The following CNTN6 variants were observed in gnomAD, a reference collection of about 807,000 sequenced individuals.
The protein encoded by CNTN6 is contactin-6.
A neutral mutation model predicts 122.8 loss-of-function variants in CNTN6; 137 were observed. The ratio of observed to expected loss-of-function variants is 1.12; its 90% CI spans 0.97 to 1.29. CNTN6 has a LOEUF of 1.29. Ranked by LOEUF, CNTN6 falls within the 50% of genes most tolerant of loss-of-function variation. CNTN6 has a pLI of 0.00. For missense variants in CNTN6, 1,634 were observed against 1,223.4 expected (o/e 1.34, Z -5.01); for synonymous variants, 570 against 426.0 (o/e 1.34, Z -4.16).
rs1217220571 is a variant in CNTN6 at position 1,245,197 on chromosome 3, GATATATATATATATATATAT to G, written c.358+17224_358+17243del. Among the ~76,000 whole-genome samples the G allele has an allele frequency of 1.4e-3, 28 of 20,208 alleles. 10 individuals are homozygous for G. Among genetic ancestry groups the G allele is most frequent in the South Asian group, 9.9e-3 (4 of 404 alleles). The allele number at this position is 20,208 out of a possible 152,430, so 13.3% of individuals were successfully genotyped here. Reference sequence around the variant, plus strand: ...TCAACAAGTAGGGTAAAGAAAATGTGATATATATATATATATATATATATATATATATATATATACACACA... The same window carrying G: ...TCAACAAGTAGGGTAAAGAAAATGTGATATATATATATATATATACACACA... On this transcript the variant is annotated intron_variant, in intron 4 of 22. Transcript: ENST00000446702.
intron 4 of CNTN6, among the ~76,000 whole-genome samples, chr3:1,268,306 C>G (rs2094958747): frequency 6.6e-6 from 1 of 152,178 alleles, no homozygotes; most frequent in Non-Finnish European, 1.5e-5. Flanking sequence ...GAAACATTCT[C>G]TGGCATAAAA....
intron 3 of CNTN6, 43 bp downstream of exon 3, chr3:1,220,856 C>T: frequency 6.4e-7 from 1 of 1,552,382 alleles, no homozygotes; most frequent in Non-Finnish European, 8.7e-7. Flanking sequence ...TGTTCTTCCT[C>T]ACTGAACCAA....
intron 2 of CNTN6, among the ~76,000 whole-genome samples, chr3:1,210,534 A>C (rs17035582): frequency 0.43 from 65,175 of 151,988 alleles, 14,616 homozygotes; most frequent in African/African-American, 0.57. Flanking sequence ...TTGAAAAACT[A>C]AGGTAGAAGC....
At position 1,160,662 on chromosome 3, in the gene CNTN6, TAA is replaced by T. The variant is rs34452868; in HGVS notation, c.55+12613_55+12614del. Among the ~76,000 whole-genome samples the T allele has an allele frequency of 1.3e-3, 172 of 136,194 alleles. 1 individual carries two copies. Among genetic ancestry groups the T allele is most frequent in the African/African-American group, 3.8e-3 (141 of 37,458 alleles). The allele number at this position is 136,194 out of a possible 152,430, so 89.3% of individuals were successfully genotyped here. A position where few individuals can be genotyped will look rare whatever the true frequency, so the allele number is the denominator to read the frequency against. On this transcript the variant is annotated intron_variant, in intron 2 of 22. Coordinates refer to ENST00000446702, the MANE Select transcript of CNTN6 (RefSeq NM_001289080.2). ...TCACCAATGTAGTCATAAATGTACG[TAA>T]AAAAAAAAAAAAAGAAAAATTAATT...
intron 4 of CNTN6, among the ~76,000 whole-genome samples, chr3:1,269,826 T>C (rs185501630): frequency 6.6e-6 from 1 of 152,298 alleles, no homozygotes; most frequent in Admixed American, 6.5e-5. Flanking sequence ...AGTGAATTCA[T>C]TATATTCCCA....
chr3:1,312,617 A>G (rs999426315), intron 7 of CNTN6, among the ~76,000 whole-genome samples: 3 of 77,784 alleles, frequency 3.9e-5, no homozygotes, highest in Non-Finnish European at 6.2e-5. Flanking sequence ...TCTTATACAA[A>G]AAAAAAAAAA....
chr3:1,132,015 G>A (rs1362555479), intron 1 of CNTN6, among the ~76,000 whole-genome samples: 1 of 152,090 alleles, frequency 6.6e-6, no homozygotes, highest in East Asian at 1.9e-4. Flanking sequence ...ATGTCAGGTA[G>A]AGTGAAGGAA....
At chr3:1,158,038 G>C (rs773840591) in intron 2 of CNTN6, among the ~76,000 whole-genome samples, 81 of 152,186 alleles carry the variant, frequency 5.3e-4, no homozygotes, top group Non-Finnish European at 1.0e-3. Flanking sequence ...GATCATATGG[G>C]GGCCCTAGTT....
intron 4 of CNTN6, among the ~76,000 whole-genome samples, chr3:1,269,068 A>T (rs1198863127): frequency 6.6e-6 from 1 of 152,222 alleles, no homozygotes; most frequent in African/African-American, 2.4e-5. Context: ...TAATGTGATT[A>T]AAGTCCCTCA....
chr3:1,263,364 T>C (rs548885143), intron 4 of CNTN6, among the ~76,000 whole-genome samples: 28 of 152,296 alleles, frequency 1.8e-4, no homozygotes, highest in African/African-American at 6.5e-4. Flanking sequence ...CTGTCTCCCC[T>C]GGGCCCCAGT....
chr3:1,273,817 C>T (rs898902914), intron 4 of CNTN6, among the ~76,000 whole-genome samples: 3 of 152,064 alleles, frequency 2.0e-5, no homozygotes, highest in Admixed American at 6.5e-5. Flanking sequence ...ATGTCACAAG[C>T]GGATGCTATT....
chr3:1,278,566 G>A lies in CNTN6; in HGVS notation c.454+58G>A, dbSNP rs899572944. On this transcript the variant is annotated intron_variant, in intron 5 of 22. Transcript: ENST00000446702. The stretch of plus-strand genomic sequence containing the variant: ...TGCGGTCACTTGGAGAGTGATGTGA[G>A]CACATCAGGTCTTAGGCTCAGTGAT... The A allele has an allele frequency of 8.2e-5, 97 of 1,186,322 alleles. No homozygotes were observed. In the African/African-American group the frequency reaches 1.3e-3, roughly 16 times the overall value. The allele number at this position is 1,186,322 out of a possible 1,614,324, so 73.5% of individuals were successfully genotyped here. A position where few individuals can be genotyped will look rare whatever the true frequency, so the allele number is the denominator to read the frequency against.
chr3:1,332,526 G>T lies in CNTN6; in HGVS notation c.1364+2591G>T, dbSNP rs2662143. Among the ~76,000 whole-genome samples, 636 of 149,686 alleles carry T rather than the reference G, an allele frequency of 4.2e-3. 2 individuals are homozygous for T. Among genetic ancestry groups the T allele is most frequent in the African/African-American group, 0.011 (464 of 40,558 alleles). ...AGGAAGGAAGGAAGGAAGGAAGGAA[G>T]GAAGGAGGGAGGGAAGGAAGGAAGA... On this transcript the variant is annotated intron_variant, in intron 11 of 22. Coordinates refer to ENST00000446702, the MANE Select transcript of CNTN6 (RefSeq NM_001289080.2).
At chr3:1,387,868 G>A (rs184548846) in intron 20 of CNTN6, among the ~76,000 whole-genome samples, 3 of 152,304 alleles carry the variant, frequency 2.0e-5, no homozygotes, top group South Asian at 2.1e-4. Flanking sequence ...TTAAAAAACG[G>A]CGCACCACGA....
intron 13 of CNTN6, 41 bp from the exon 14 acceptor site, chr3:1,372,797 T>G (rs775223875): frequency 1.9e-5 from 23 of 1,228,526 alleles, no homozygotes; most frequent in Admixed American, 8.0e-5. Flanking sequence ...ACTTGTTATA[T>G]GGGCTTACGT....
chr3:1,376,963 C>T (rs543419454), intron 16 of CNTN6, 42 bp from the exon 17 acceptor site: 2 of 1,354,636 alleles, frequency 1.5e-6, no homozygotes, highest in African/African-American at 2.9e-5. Flanking sequence ...TGAAGACGTA[C>T]TTTAATAATT....
intron 2 of CNTN6, among the ~76,000 whole-genome samples, chr3:1,158,801 TACACAC>T (rs1178751244): frequency 9.0e-5 from 12 of 132,988 alleles, no homozygotes; most frequent in Middle Eastern, 3.7e-3. Flanking sequence ...TGTATATATA[TACACAC>T]ATATATATAC....
intron 1 of CNTN6, among the ~76,000 whole-genome samples, chr3:1,111,009 T>G (rs761536809): frequency 6.6e-6 from 1 of 152,184 alleles, no homozygotes; most frequent in African/African-American, 2.4e-5. Flanking sequence ...TTCACTGGCC[T>G]CATTTTTCCT....
At chr3:1,363,085 C>T (rs1707712070) in intron 12 of CNTN6, among the ~76,000 whole-genome samples, 1 of 150,480 alleles carries the variant, frequency 6.6e-6, no homozygotes, top group African/African-American at 2.5e-5. Flanking sequence ...CTGAGAGAAT[C>T]CCCATCACTT....
Sources: gnomAD v4.1 joint callset for allele counts (sites outside exome capture counted in the v4.1 genomes callset) on GRCh38, gnomAD v4.1.1 for gene constraint, MANE v1.5 for transcripts, NCBI Gene and HGNC (gene_info 2026-07-23, HGNC 2026-07-21) for gene names.